CWF19L2: variants seen among roughly 807,000 people sequenced by gnomAD.
CWF19L2 encodes the protein CWF19-like protein 2.
CWF19L2 carries 98 observed loss-of-function variants against 111.7 expected under a neutral mutation model. The observed-to-expected ratio is 0.88, with a 90% CI of 0.75 to 1.04. CWF19L2 has a LOEUF of 1.04. Among genes scored for constraint, CWF19L2 ranks in the 50% least tolerant of loss-of-function variants. The probability of loss-of-function intolerance (pLI) is 0.00; values close to 1 mark genes in which losing one functional copy is unlikely to be tolerated. For missense variants in CWF19L2, 1,101 were observed against 1,051.4 expected, an observed-to-expected ratio of 1.05 and a Z score of -0.65; for synonymous variants, 351 against 342.9, an observed-to-expected ratio of 1.02 and a Z score of -0.26.
chr11:107,393,154 T>A (rs576899853), intron 10 of CWF19L2, among the ~76,000 whole-genome samples: 1 of 152,142 alleles, frequency 6.6e-6, no homozygotes, highest in South Asian at 2.1e-4. Flanking sequence ...AAAATTTTCA[T>A]CTAGACAATA....
chr11:107,349,488 C>T (rs1399508506), intron 13 of CWF19L2, among the ~76,000 whole-genome samples: 1 of 152,092 alleles, frequency 6.6e-6, no homozygotes, highest in East Asian at 1.9e-4. Context: ...CCTTCCTTCT[C>T]TGATTAGCTG....
chr11:107,413,468 G>A (rs541499041), intron 10 of CWF19L2, among the ~76,000 whole-genome samples: 1 of 152,192 alleles, frequency 6.6e-6, no homozygotes, highest in Non-Finnish European at 1.5e-5. Flanking sequence ...AGGTAGGACT[G>A]GAAAACAGGG....
intron 14 of CWF19L2, among the ~76,000 whole-genome samples, chr11:107,340,095 T>C (rs1242521113): frequency 6.6e-6 from 1 of 152,226 alleles, no homozygotes; most frequent in East Asian, 1.9e-4. Context: ...TTATAATTTG[T>C]CTTTTCATCT....
chr11:107,387,042 G>A (rs1448009004), intron 12 of CWF19L2, among the ~76,000 whole-genome samples: 2 of 149,268 alleles, frequency 1.3e-5, no homozygotes, highest in Non-Finnish European at 3.0e-5. Context: ...GACAGAGCGA[G>A]ACCCCGTCTC....
At chr11:107,337,642 C>T (rs183149994) in intron 14 of CWF19L2, among the ~76,000 whole-genome samples, 51 of 152,144 alleles carry the variant, frequency 3.4e-4, no homozygotes, top group African/African-American at 7.2e-4. Flanking sequence ...TGGATGAGCG[C>T]GGTGGCTCAT....
At chr11:107,357,687 C>A (rs972114681) in intron 12 of CWF19L2, among the ~76,000 whole-genome samples, 1 of 152,174 alleles carries the variant, frequency 6.6e-6, no homozygotes, top group Non-Finnish European at 1.5e-5. Context: ...ATTCCCTCCT[C>A]CTGCAGCCTC....
chr11:107,353,866 ATGAT>A, intron 12 of CWF19L2, 130 bp from the exon 13 acceptor site: 1 of 664,328 alleles, frequency 1.5e-6, no homozygotes, highest in Non-Finnish European at 2.5e-6. Context: ...AAGAAAAAAC[ATGAT>A]TAATATTTGT....
intron 7 of CWF19L2, among the ~76,000 whole-genome samples, chr11:107,429,860 A>T (rs1861440273): frequency 6.6e-6 from 1 of 151,848 alleles, no homozygotes; most frequent in African/African-American, 2.4e-5. Context: ...TTGGAAATAA[A>T]AAATTGTGTG....
At chr11:107,437,670 T>A (rs778068420) in intron 6 of CWF19L2, among the ~76,000 whole-genome samples, 5 of 152,128 alleles carry the variant, frequency 3.3e-5, no homozygotes, top group African/African-American at 4.8e-5. Flanking sequence ...AGCATAATTT[T>A]CTCCTAGTAT....
At chr11:107,413,426 T>A (rs1322790465) in intron 10 of CWF19L2, among the ~76,000 whole-genome samples, 1 of 152,116 alleles carries the variant, frequency 6.6e-6, no homozygotes, top group Non-Finnish European at 1.5e-5. Context: ...TAGGTAAATG[T>A]GAAAGAGACA....
intron 12 of CWF19L2, among the ~76,000 whole-genome samples, chr11:107,387,892 G>A (rs998876035): frequency 6.6e-6 from 1 of 152,120 alleles, no homozygotes; most frequent in African/African-American, 2.4e-5. Context: ...CAGGGATATG[G>A]GCCCCCTGCC....
chr11:107,441,010 C>T (rs1861612527), intron 5 of CWF19L2, among the ~76,000 whole-genome samples: 1 of 152,150 alleles, frequency 6.6e-6, no homozygotes, highest in African/African-American at 2.4e-5. Context: ...CTAGGAAAGT[C>T]ATCAGCTTCA....
In CWF19L2 at chr11:107,371,018, T is replaced by C. The variant is rs1440810002; in HGVS notation, c.1873-17282A>G. 1.6e-5 allele frequency among the ~76,000 whole-genome samples: 2 copies of C among 124,240 alleles called. 1 individual carries two copies. The highest frequency in any genetic ancestry group is 4.5e-4 in the East Asian group (2 of 4,404). The allele number at this position is 124,240 out of a possible 152,430, so 81.5% of individuals were successfully genotyped here. A position where few individuals can be genotyped will look rare whatever the true frequency, so the allele number is the denominator to read the frequency against. ...GTTAAGATTTCTAGTTTCTCTTTTT[T>C]TTTTTTTTTTTTTGAGACGGAGTCT... On this transcript the variant is annotated intron_variant, in intron 12 of 17. Coordinates refer to ENST00000282251, the MANE Select transcript of CWF19L2 (RefSeq NM_152434.3).
intron 12 of CWF19L2, among the ~76,000 whole-genome samples, chr11:107,361,240 C>G (rs1185307434): frequency 6.6e-6 from 1 of 152,296 alleles, no homozygotes; most frequent in East Asian, 1.9e-4. Context: ...TTCGTGTCAA[C>G]TTTGTCAAAG....
At chr11:107,368,925 A>G (rs1302108150) in intron 12 of CWF19L2, among the ~76,000 whole-genome samples, 1 of 137,906 alleles carries the variant, frequency 7.3e-6, no homozygotes, top group African/African-American at 2.9e-5. Context: ...AGGAGACATT[A>G]CAACTGATAT....
At chr11:107,330,041 A>C in intron 16 of CWF19L2, 22 bp from the exon 17 acceptor site, 1 of 1,443,634 alleles carries the variant, frequency 6.9e-7, no homozygotes, top group East Asian at 2.5e-5. Flanking sequence ...GACAAATCAC[A>C]AATGGAATAC....
Position 107,330,015 on chromosome 11 carries a change from G to T in CWF19L2, c.2444C>A (p.Pro815His). 1 of 1,556,976 alleles carries T rather than the reference G, an allele frequency of 6.4e-7. No individual in the cohort carries two copies. Among genetic ancestry groups the T allele is most frequent in the East Asian group, 2.3e-5 (1 of 42,594 alleles). ...CACAGAGAAGTAAGGTAACCCTCTG[G>T]GTACCTAAATAAACAGACAAATCAC... Reference protein sequence around the residue: ...LSSKDIRKSVPRGLPYFSVDF... With the variant: ...LSSKDIRKSVHRGLPYFSVDF... Residue 815 changes from proline (P) to histidine (H), a missense_variant, in exon 17 of 18, where the codon CCC (proline) becomes CAC (histidine). Transcript: ENST00000282251.
At chr11:107,421,320 T>C (rs182558183) in intron 8 of CWF19L2, among the ~76,000 whole-genome samples, 1 of 151,998 alleles carries the variant, frequency 6.6e-6, no homozygotes, top group African/African-American at 2.4e-5. Context: ...CTCAAATCAA[T>C]CACCTCATCT....
rs1435532012 is a variant in CWF19L2, at chr11:107,403,756, C to T, written c.1618-10861G>A. On this transcript the variant is annotated intron_variant, in intron 10 of 17. Coordinates refer to ENST00000282251, the MANE Select transcript of CWF19L2 (RefSeq NM_152434.3). ...CCTCCTGCTTTTTGCCGGTCTGTTC[C>T]TCTGCCTGTGCAATCTCAGCTGCAA... is the stretch of plus-strand genomic sequence containing the variant. 6.6e-6 allele frequency: 6 copies of T among 905,774 alleles called. No individual in the cohort carries two copies. In the African/African-American group the frequency reaches 9.8e-5, roughly 15 times the overall value. The allele number at this position is 905,774 out of a possible 1,614,324, so 56.1% of individuals were successfully genotyped here.
Sources: gnomAD v4.1 joint callset for allele counts (sites outside exome capture counted in the v4.1 genomes callset) on GRCh38, gnomAD v4.1.1 for gene constraint, MANE v1.5 for transcripts, NCBI Gene and HGNC (gene_info 2026-07-23, HGNC 2026-07-21) for gene names.